Variants in PRELID2 observed in about 807,000 individuals in gnomAD.
PRELID2 encodes PRELI domain-containing protein 2.
In PRELID2, 25 loss-of-function variants were observed where a neutral mutation model predicts 28.4. That is an observed-to-expected ratio of 0.88 (90% CI 0.64 to 1.23). The LOEUF (loss-of-function observed/expected upper bound fraction) is 1.23, where lower values mean the gene tolerates loss of function less well. Among genes scored for constraint, PRELID2 ranks in the 50% most tolerant of loss-of-function variants. The pLI is 0.00. For synonymous variants in PRELID2, 76 were observed against 71.6 expected (o/e 1.06, Z -0.31); for missense variants, 201 against 214.4 (o/e 0.94, Z 0.39).
At chr5:145,733,423 GTTAA>G (rs1236411423) in intron 1 of PRELID2, among the ~76,000 whole-genome samples, 1 of 152,164 alleles carries the variant, frequency 6.6e-6, no homozygotes, top group African/African-American at 2.4e-5. Context: ...CAGTTGGCTG[GTTAA>G]TTGAGAAAGT....
At chr5:145,614,353 A>G (rs1753664421) in intron 1 of PRELID2, among the ~76,000 whole-genome samples, 1 of 152,182 alleles carries the variant, frequency 6.6e-6, no homozygotes, top group Non-Finnish European at 1.5e-5. Context: ...TAATTCTATG[A>G]AGAGTGATGG....
chr5:145,822,512 G>A (rs1754899795), intron 2 of PRELID2, among the ~76,000 whole-genome samples: 1 of 152,000 alleles, frequency 6.6e-6, no homozygotes, highest in Admixed American at 6.6e-5. Flanking sequence ...GTCAACTCCT[G>A]ATTTAGTCAA....
chr5:145,336,186 T>G, the PRELID2 span, among the ~76,000 whole-genome samples: 1 of 152,216 alleles, frequency 6.6e-6, no homozygotes, highest in Non-Finnish European at 1.5e-5. Flanking sequence ...CTTTGTCAGA[T>G]GAGTAGGTTG....
At chr5:145,391,457 G>T in the PRELID2 span, among the ~76,000 whole-genome samples, 3 of 152,210 alleles carry the variant, frequency 2.0e-5, no homozygotes, top group Admixed American at 6.5e-5. Flanking sequence ...GAGGCCCGTG[G>T]CCTGGCCACA....
intron 1 of PRELID2, among the ~76,000 whole-genome samples, chr5:145,636,078 T>A (rs1202302851): frequency 1.3e-5 from 2 of 152,216 alleles, no homozygotes; most frequent in Non-Finnish European, 2.9e-5. Context: ...CATTACCACA[T>A]CCTGCTGAAT....
At chr5:145,406,350 T>G in the PRELID2 span, among the ~76,000 whole-genome samples, 1 of 152,212 alleles carries the variant, frequency 6.6e-6, no homozygotes, top group Non-Finnish European at 1.5e-5. Flanking sequence ...AATGTTTACA[T>G]AATATTTACA....
the PRELID2 span, among the ~76,000 whole-genome samples, chr5:145,398,563 T>G: frequency 6.6e-6 from 1 of 151,998 alleles, no homozygotes; most frequent in South Asian, 2.1e-4. Flanking sequence ...CAGGGGCCAT[T>G]TTGGAGTTGT....
the PRELID2 span, among the ~76,000 whole-genome samples, chr5:145,443,135 A>G: frequency 6.6e-6 from 1 of 152,058 alleles, no homozygotes; most frequent in Non-Finnish European, 1.5e-5. Flanking sequence ...GGCTCTCTGC[A>G]GGAGGAAACA....
chr5:145,362,723 T>C, the PRELID2 span, among the ~76,000 whole-genome samples: 1 of 152,104 alleles, frequency 6.6e-6, no homozygotes, highest in South Asian at 2.1e-4. Flanking sequence ...ACCATGAGAA[T>C]AGACATAGTT....
chr5:145,399,439 A>G, the PRELID2 span, among the ~76,000 whole-genome samples: 1 of 152,126 alleles, frequency 6.6e-6, no homozygotes, highest in African/African-American at 2.4e-5. Context: ...CTCATGCAAA[A>G]TTATATGCTC....
chr5:145,512,252 C>A (rs138025320), intron 1 of PRELID2, among the ~76,000 whole-genome samples: 2 of 152,108 alleles, frequency 1.3e-5, no homozygotes, highest in Non-Finnish European at 2.9e-5. Context: ...ACTGAGGTAC[C>A]CAGTTAATCT....
At chr5:145,335,654 T>A in the PRELID2 span, among the ~76,000 whole-genome samples, 1 of 152,110 alleles carries the variant, frequency 6.6e-6, no homozygotes, top group Non-Finnish European at 1.5e-5. Context: ...GAGACAAACA[T>A]AAATGGAAAC....
Position 145,740,299 on chromosome 5 carries a change from TATATATATATATATATATATAA to T in PRELID2, n.70+24610_70+24631del, listed in dbSNP as rs1434845132. ...ATATATATATATATATATATATATATATATATATATATATATATATAAATCCTAAATGTGTATGCACCATACA... is the reference window on the plus strand; with the variant it reads ...ATATATATATATATATATATATATATATCCTAAATGTGTATGCACCATACA... On this transcript the variant is annotated intron_variant and non_coding_transcript_variant, in intron 1 of 2. Coordinates refer to the PRELID2 transcript ENST00000510259. Among the ~76,000 whole-genome samples the T allele has an allele frequency of 6.3e-5, 6 of 95,882 alleles. 1 individual carries two copies. The highest frequency in any genetic ancestry group is 2.5e-4 in the African/African-American group (6 of 23,628). 62.9% of individuals were successfully genotyped at this position (95,882 alleles called of 152,430 possible).
At chr5:145,239,430 T>C in the PRELID2 span, among the ~76,000 whole-genome samples, 63 of 152,066 alleles carry the variant, frequency 4.1e-4, no homozygotes, top group African/African-American at 1.5e-3. Context: ...GTATTCTGGG[T>C]CAGCAGAGGC....
At chr5:145,400,498 G>A in the PRELID2 span, among the ~76,000 whole-genome samples, 15 of 151,978 alleles carry the variant, frequency 9.9e-5, no homozygotes, top group African/African-American at 3.6e-4. Flanking sequence ...AGTGAGAGGG[G>A]AAAAAAATCT....
At chr5:145,794,618 A>T (rs758618610) in intron 5 of PRELID2, among the ~76,000 whole-genome samples, 1 of 152,150 alleles carries the variant, frequency 6.6e-6, no homozygotes, top group Non-Finnish European at 1.5e-5. Flanking sequence ...TACTCAATAT[A>T]TATCTGTAAG....
At chr5:145,274,680 GAGAC>G in the PRELID2 span, among the ~76,000 whole-genome samples, 1 of 152,118 alleles carries the variant, frequency 6.6e-6, no homozygotes, top group African/African-American at 2.4e-5. Context: ...AAGTCAGGAA[GAGAC>G]AAAAACAGAA....
At chr5:145,378,671 T>C in the PRELID2 span, among the ~76,000 whole-genome samples, 1 of 152,198 alleles carries the variant, frequency 6.6e-6, no homozygotes, top group African/African-American at 2.4e-5. Context: ...GGCTATTTTG[T>C]CAGTCAGTTT....
intron 5 of PRELID2, among the ~76,000 whole-genome samples, chr5:145,781,973 A>C (rs1357401914): frequency 6.6e-6 from 1 of 152,022 alleles, no homozygotes; most frequent in Non-Finnish European, 1.5e-5. Context: ...GTGAGAGAAG[A>C]GGTTCAGAAA....
Sources: allele counts gnomAD v4.1 joint callset (sites outside exome capture counted in the v4.1 genomes callset), GRCh38; gene constraint gnomAD v4.1.1; transcripts MANE v1.5; gene names NCBI Gene and HGNC (gene_info 2026-07-23, HGNC 2026-07-21).